MBD5: variants seen among roughly 807,000 people sequenced by gnomAD.
MBD5 encodes methyl-CpG-binding domain protein 5.
Under a neutral mutation model 117.3 loss-of-function variants are expected in MBD5, and 13 were observed. The ratio of observed to expected loss-of-function variants is 0.11; its 90% CI spans 0.07 to 0.18. MBD5 has a LOEUF of 0.18. MBD5 is among the 10% of genes least tolerant of loss of function. The pLI, the probability that MBD5 is intolerant of heterozygous loss-of-function variation, is 1.00. For synonymous variants in MBD5, 727 were observed against 766.4 expected (o/e 0.95, Z 0.85); for missense variants, 1,879 against 2,093.8 (o/e 0.90, Z 2.00).
intron 1 of MBD5, among the ~76,000 whole-genome samples, chr2:148,099,660 A>G (rs944606423): frequency 3.9e-5 from 6 of 152,334 alleles, no homozygotes; most frequent in Non-Finnish European, 7.3e-5. Flanking sequence ...AACCCAAATC[A>G]GAATGTTTTA....
chr2:148,456,441 T>TG (rs1333755275), intron 4 of MBD5, among the ~76,000 whole-genome samples: 6 of 152,028 alleles, frequency 3.9e-5, no homozygotes, highest in Non-Finnish European at 8.8e-5. Flanking sequence ...CCTACGGATT[T>TG]GGGGGGGACA....
intron 1 of MBD5, among the ~76,000 whole-genome samples, chr2:148,037,946 G>A (rs1021669864): frequency 6.6e-6 from 1 of 151,926 alleles, no homozygotes; most frequent in African/African-American, 2.4e-5. Context: ...GCTATTTAGA[G>A]AATGCAGATA....
At chr2:148,241,204 T>C (rs746395397) in intron 3 of MBD5, among the ~76,000 whole-genome samples, 15 of 152,190 alleles carry the variant, frequency 9.9e-5, no homozygotes, top group Non-Finnish European at 1.9e-4. Context: ...TGACCTTTTT[T>C]CTAACAGTTA....
At chr2:148,178,373 T>C (rs1395688729) in intron 1 of MBD5, among the ~76,000 whole-genome samples, 1 of 152,182 alleles carries the variant, frequency 6.6e-6, no homozygotes, top group Non-Finnish European at 1.5e-5. Context: ...GCTCTGTTCA[T>C]GCAGGACACC....
chr2:148,398,952 C>T (rs1284580009), intron 4 of MBD5, among the ~76,000 whole-genome samples: 2 of 152,180 alleles, frequency 1.3e-5, no homozygotes, highest in Non-Finnish European at 2.9e-5. Flanking sequence ...TGTCAAAGAT[C>T]AGATAGTTGT....
chr2:148,164,526 G>T (rs1039551727), intron 1 of MBD5, among the ~76,000 whole-genome samples: 7 of 151,866 alleles, frequency 4.6e-5, no homozygotes, highest in Admixed American at 4.6e-4. Context: ...CCAAACATTA[G>T]CCATATAAAA....
At chr2:148,460,456 A>G (rs2105551566) in intron 5 of MBD5, among the ~76,000 whole-genome samples, 1 of 152,324 alleles carries the variant, frequency 6.6e-6, no homozygotes, top group South Asian at 2.1e-4. Context: ...AATTAAATTA[A>G]CCAGCATAGA....
Position 148,229,357 on chromosome 2 carries a change from C to T in MBD5, c.-830-3888C>T, listed in dbSNP as rs1436488934. Among the ~76,000 whole-genome samples the T allele has an allele frequency of 2.0e-5, 3 of 152,124 alleles. No homozygotes were observed. In the East Asian group the frequency reaches 5.8e-4, roughly 29 times the overall value. On this transcript the variant is annotated intron_variant, in intron 2 of 13. Transcript: ENST00000642680. ...TGATTCTTTGTAATTATTTCAATCT[C>T]TTTGTTAAGCTAATCAGATAGGATT...
intron 2 of MBD5, among the ~76,000 whole-genome samples, chr2:148,194,832 G>T (rs1031121724): frequency 6.6e-6 from 1 of 151,138 alleles, no homozygotes; most frequent in East Asian, 1.9e-4. Context: ...AAATAGCAAG[G>T]TGCTAAACTT....
At chr2:148,102,233 C>A (rs1696234160) in intron 1 of MBD5, among the ~76,000 whole-genome samples, 1 of 152,084 alleles carries the variant, frequency 6.6e-6, no homozygotes, top group Non-Finnish European at 1.5e-5. Flanking sequence ...AATCACAGAC[C>A]TGAAAACGGC....
chr2:148,029,624 C>T (rs1415428644), intron 1 of MBD5, among the ~76,000 whole-genome samples: 1 of 152,082 alleles, frequency 6.6e-6, no homozygotes, highest in African/African-American at 2.4e-5. Flanking sequence ...TCTTTGAAAC[C>T]ATTTCTTCAA....
At chr2:148,487,414 G>A (rs1681372685) in intron 10 of MBD5, among the ~76,000 whole-genome samples, 1 of 152,136 alleles carries the variant, frequency 6.6e-6, no homozygotes, top group Non-Finnish European at 1.5e-5. Flanking sequence ...AAGGAAATAG[G>A]ACTGGAGTTT....
chr2:148,070,850 GT>G (rs143989567), intron 1 of MBD5: 5,569 of 150,806 alleles, frequency 0.037, 275 homozygotes, highest in African/African-American at 0.11. Flanking sequence ...ATTATACCAA[GT>G]TTTTTGTTTT....
chr2:148,301,520 A>G (rs1043795504), intron 3 of MBD5, among the ~76,000 whole-genome samples: 17 of 152,290 alleles, frequency 1.1e-4, no homozygotes, highest in African/African-American at 4.1e-4. Flanking sequence ...TTAGAGCAGG[A>G]AGGAAGGGAA....
chr2:148,375,967 C>T (rs1703974927), intron 4 of MBD5, among the ~76,000 whole-genome samples: 1 of 151,726 alleles, frequency 6.6e-6, no homozygotes. Flanking sequence ...GCACTATTGA[C>T]ATTTTAAAGT....
intron 1 of MBD5, among the ~76,000 whole-genome samples, chr2:148,110,987 A>T (rs550761851): frequency 3.9e-4 from 59 of 151,914 alleles, no homozygotes; most frequent in African/African-American, 1.3e-3. Context: ...TTATTTTAAA[A>T]TTTTTTTGAA....
At chr2:148,304,421 A>T (rs1701843149) in intron 3 of MBD5, among the ~76,000 whole-genome samples, 1 of 152,224 alleles carries the variant, frequency 6.6e-6, no homozygotes, top group African/African-American at 2.4e-5. Context: ...ATATAAAAAA[A>T]AAAGTCTAGC....
intron 10 of MBD5, 40 bp downstream of exon 10, chr2:148,485,990 T>A (rs1421426396): frequency 1.1e-5 from 17 of 1,590,922 alleles, no homozygotes; most frequent in Non-Finnish European, 1.5e-5. Flanking sequence ...GAAAACAATG[T>A]CTGAGTTTGT....
chr2:148,197,983 T>G (rs1187532195), intron 2 of MBD5, among the ~76,000 whole-genome samples: 1 of 151,786 alleles, frequency 6.6e-6, no homozygotes, highest in Non-Finnish European at 1.5e-5. Context: ...CCCAGCTAAT[T>G]GTTGTGTTTT....
Sources: gnomAD v4.1 joint callset for allele counts (sites outside exome capture counted in the v4.1 genomes callset) on GRCh38, gnomAD v4.1.1 for gene constraint, MANE v1.5 for transcripts, NCBI Gene and HGNC (gene_info 2026-07-23, HGNC 2026-07-21) for gene names.